Variants in UGGT2 observed in about 807,000 individuals in gnomAD.
The protein encoded by UGGT2 is UDP-glucose glycoprotein glucosyltransferase 2.
UGGT2 carries 180 observed loss-of-function variants against 192.1 expected under a neutral mutation model. That is an observed-to-expected ratio of 0.94 (90% CI 0.83 to 1.06). UGGT2 has a LOEUF of 1.06. UGGT2 is among the 50% of genes least tolerant of loss of function. The probability of loss-of-function intolerance (pLI) is 0.00; values close to 1 mark genes in which losing one functional copy is unlikely to be tolerated. For missense variants in UGGT2, 1,849 were observed against 1,795.7 expected, an observed-to-expected ratio of 1.03 and a Z score of -0.54; for synonymous variants, 580 against 591.0, an observed-to-expected ratio of 0.98 and a Z score of 0.27.
chr13:95,900,985 T>C (rs771270481), intron 21 of UGGT2, 47 bp from the exon 22 acceptor site: 2 of 1,321,328 alleles, frequency 1.5e-6, no homozygotes, highest in Non-Finnish European at 9.8e-7. Flanking sequence ...GAACAGTAAA[T>C]ATATTAAATC....
intron 5 of UGGT2, among the ~76,000 whole-genome samples, chr13:96,007,151 A>G (rs760841474): frequency 6.6e-6 from 1 of 152,226 alleles, no homozygotes; most frequent in Non-Finnish European, 1.5e-5. Context: ...ACACAAATCG[A>G]TAAATGTAAT....
chr13:95,910,998 T>A (rs766472794), intron 20 of UGGT2, among the ~76,000 whole-genome samples: 2 of 152,086 alleles, frequency 1.3e-5, no homozygotes, highest in African/African-American at 4.8e-5. Context: ...ACTGGATAAA[T>A]AACGAATGAA....
chr13:95,849,440 G>A (rs1263536616), intron 36 of UGGT2, among the ~76,000 whole-genome samples: 1 of 151,774 alleles, frequency 6.6e-6, no homozygotes, highest in African/African-American at 2.4e-5. Context: ...CTACTCAGGA[G>A]GCTGAGGCAG....
intron 5 of UGGT2, among the ~76,000 whole-genome samples, chr13:96,007,064 A>T (rs186216813): frequency 3.9e-5 from 6 of 152,342 alleles, no homozygotes; most frequent in Admixed American, 3.9e-4. Flanking sequence ...TAGCAAAATG[A>T]ATTCAGCAAC....
At chr13:96,032,610 T>C (rs1040040939) in intron 1 of UGGT2, among the ~76,000 whole-genome samples, 20 of 152,206 alleles carry the variant, frequency 1.3e-4, no homozygotes, top group Admixed American at 1.3e-3. Context: ...GATTTAGTTC[T>C]GCACAGAACA....
chr13:95,941,597 T>G (rs2049682411), intron 15 of UGGT2, among the ~76,000 whole-genome samples: 1 of 152,180 alleles, frequency 6.6e-6, no homozygotes, highest in Non-Finnish European at 1.5e-5. Context: ...ATTAGTCATT[T>G]TACTAACTAG....
chr13:96,044,901 C>T (rs1594636561), intron 1 of UGGT2, among the ~76,000 whole-genome samples: 1 of 152,030 alleles, frequency 6.6e-6, no homozygotes, highest in East Asian at 1.9e-4. Flanking sequence ...TATTCACAGC[C>T]AAATTCTACC....
intron 36 of UGGT2, among the ~76,000 whole-genome samples, chr13:95,842,510 T>C (rs72636541): frequency 0.12 from 18,144 of 152,196 alleles, 1,195 homozygotes; most frequent in Middle Eastern, 0.21. Flanking sequence ...GTTTCTGATA[T>C]GGCTTCCAAT....
At chr13:95,928,496 A>T (rs890880824) in intron 17 of UGGT2, among the ~76,000 whole-genome samples, 2 of 148,776 alleles carry the variant, frequency 1.3e-5, no homozygotes, top group African/African-American at 5.0e-5. Context: ...CCGGTCAGAG[A>T]CGCTCCTCAC....
At chr13:95,995,073 A>T (rs928409568) in intron 7 of UGGT2, among the ~76,000 whole-genome samples, 6 of 152,126 alleles carry the variant, frequency 3.9e-5, no homozygotes, top group Non-Finnish European at 8.8e-5. Context: ...CTAATGAAAA[A>T]AACTTCCATC....
intron 38 of UGGT2, among the ~76,000 whole-genome samples, chr13:95,818,490 A>C (rs1020548288): frequency 6.6e-6 from 1 of 152,172 alleles, no homozygotes; most frequent in African/African-American, 2.4e-5. Context: ...GCAAACTCAA[A>C]ATTGTGGTTA....
intron 37 of UGGT2, among the ~76,000 whole-genome samples, chr13:95,834,639 T>A (rs1010710990): frequency 4.6e-5 from 7 of 152,324 alleles, no homozygotes; most frequent in Middle Eastern, 3.4e-3. Context: ...GTTCTCTCAT[T>A]CTACTCTTAG....
intron 38 of UGGT2, among the ~76,000 whole-genome samples, chr13:95,828,746 A>G (rs906928757): frequency 6.6e-6 from 1 of 152,206 alleles, no homozygotes; most frequent in Non-Finnish European, 1.5e-5. Context: ...AGGTGCAAAG[A>G]GAAGCTGGTT....
chr13:95,855,828 A>T (rs1368689022), intron 34 of UGGT2, among the ~76,000 whole-genome samples: 1 of 152,184 alleles, frequency 6.6e-6, no homozygotes, highest in Non-Finnish European at 1.5e-5. Flanking sequence ...GTTTTAAACA[A>T]ATATCAGCAC....
At chr13:95,924,402 T>TTTTC (rs2048952069) in intron 20 of UGGT2, among the ~76,000 whole-genome samples, 1 of 93,948 alleles carries the variant, frequency 1.1e-5, no homozygotes, top group African/African-American at 5.3e-5. Flanking sequence ...GCTTTTTTTT[T>TTTTC]TTTTTTTTTT....
chr13:95,856,381 A>C, intron 33 of UGGT2, 41 bp from the exon 34 acceptor site: 1 of 1,568,862 alleles, frequency 6.4e-7, no homozygotes, highest in Non-Finnish European at 8.6e-7. Flanking sequence ...TGTTCAAGAG[A>C]AAGTAGTTTT....
intron 12 of UGGT2, among the ~76,000 whole-genome samples, chr13:95,954,718 T>C (rs1366389739): frequency 1.3e-5 from 2 of 152,188 alleles, no homozygotes; most frequent in Admixed American, 6.5e-5. Flanking sequence ...ACATCTTACA[T>C]ATATCAATTG....
At chr13:95,842,313 A>C (rs890723983) in intron 36 of UGGT2, among the ~76,000 whole-genome samples, 2 of 151,954 alleles carry the variant, frequency 1.3e-5, no homozygotes, top group Non-Finnish European at 2.9e-5. Flanking sequence ...TTTAGGTCTG[A>C]CTTTTCATAT....
In UGGT2 at chr13:95,935,584, G is replaced by T. The variant is rs141553245; in HGVS notation, c.1977+1340C>A. On this transcript the variant is annotated intron_variant, in intron 17 of 38. Transcript: ENST00000376747. ...AGATTTTTACTTCAGCACTGACCTTGGACAGTTTGGTGACTATAAGCCTTG... is the reference window on the plus strand; with the variant it reads ...AGATTTTTACTTCAGCACTGACCTTTGACAGTTTGGTGACTATAAGCCTTG... Among the ~76,000 whole-genome samples the T allele has an allele frequency of 3.2e-3, 483 of 152,202 alleles. 3 individuals carry two copies. The highest frequency in any genetic ancestry group is 0.011 in the African/African-American group (461 of 41,518).
Sources: gnomAD v4.1 joint callset for allele counts (sites outside exome capture counted in the v4.1 genomes callset) on GRCh38, gnomAD v4.1.1 for gene constraint, MANE v1.5 for transcripts, NCBI Gene and HGNC (gene_info 2026-07-23, HGNC 2026-07-21) for gene names.